Variants in MARF1 observed in about 807,000 individuals in gnomAD.
MARF1 encodes the protein limkain-b1.
In MARF1, 24 loss-of-function variants were observed where a neutral mutation model predicts 168.2. The ratio of observed to expected loss-of-function variants is 0.14; its 90% CI spans 0.10 to 0.20. The LOEUF is 0.20. Ranked by LOEUF, MARF1 falls within the 10% of genes least tolerant of loss-of-function variation. The pLI, the probability that MARF1 is intolerant of heterozygous loss-of-function variation, is 1.00. For missense variants in MARF1, 1,744 were observed against 2,143.6 expected (o/e 0.81, Z 3.68); for synonymous variants, 868 against 822.4 (o/e 1.06, Z -0.95).
At chr16:15,633,107 G>C (rs1043556906) in intron 5 of MARF1, among the ~76,000 whole-genome samples, 7 of 148,180 alleles carry the variant, frequency 4.7e-5, no homozygotes, top group African/African-American at 1.7e-4. Flanking sequence ...TATTTTATTT[G>C]AAAACTTGGC....
chr16:15,609,674 A>G lies in MARF1; in HGVS notation c.3803T>C (p.Val1268Ala), dbSNP rs1330350952. ...ERTKQFSKDV[V>A]DLLRHQPHFR... ...ATGGGGTTGGTGACGCAGCAAATCA[A>G]CGACATCCTTGGAGAACTGTTTTGT... is the stretch of plus-strand genomic sequence containing the variant. Residue 1268 changes from valine to alanine, a missense_variant, in exon 20 of 27, where the codon GTT becomes GCT. Coordinates refer to ENST00000396368, the MANE Select transcript of MARF1 (RefSeq NM_014647.4). 4 of 1,614,196 alleles carry G rather than the reference A, an allele frequency of 2.5e-6. No individual in the cohort carries two copies. Among genetic ancestry groups the G allele is most frequent in the Non-Finnish European group, 2.5e-6 (3 of 1,180,042 alleles).
chr16:15,618,619 C>A (rs923956300), intron 13 of MARF1, among the ~76,000 whole-genome samples: 4 of 152,192 alleles, frequency 2.6e-5, no homozygotes, highest in African/African-American at 4.8e-5. Flanking sequence ...TCGCCCACAT[C>A]CCTGGCCCTG....
At position 15,621,779 on chromosome 16, in the gene MARF1, C is replaced by G. The variant is rs35438466; in HGVS notation, c.2593G>C (p.Val865Leu). Residue 865 changes from valine to leucine, a missense_variant, in exon 12 of 27, where the codon GTC becomes CTC. Transcript: ENST00000396368. ...CTGGCAGCCCCGGTGGCAAGTGAGA[C>G]CAGGATCTTTTTGCTGCCAATTTTG... ...RYKIGSKKIL[V>L]SLATGAASKS... 8,177 of 1,614,142 alleles carry G rather than the reference C, an allele frequency of 5.1e-3. 72 individuals are homozygous for G. The highest frequency in any genetic ancestry group is 0.023 in the South Asian group (2,073 of 91,082).
chr16:15,630,522 G>T lies in MARF1; in HGVS notation c.1352-18C>A, dbSNP rs779960479. The stretch of plus-strand genomic sequence containing the variant: ...GACATCAGCTGAAAGAAAAGGTACA[G>T]ACCAACCCCATCCCCAAACATTAGA... On this transcript the variant is annotated intron_variant, in intron 6 of 26. Transcript: ENST00000396368. 4 of 1,597,872 alleles carry T rather than the reference G, an allele frequency of 2.5e-6. No homozygotes were observed. The highest frequency in any genetic ancestry group is 1.7e-5 in the Admixed American group (1 of 58,184).
chr16:15,595,151 G>C lies in MARF1; in HGVS notation c.*1542C>G, dbSNP rs948055834. On this transcript the variant is annotated 3_prime_UTR_variant, in exon 27 of 27. Transcript: ENST00000396368. ...AAATGCCTTCAGGAGGATTCGGAGA[G>C]TGCCATAATACTTACAGGGTTTTTT... The C allele has an allele frequency of 1.3e-5, 2 of 152,628 alleles. No individual in the cohort carries two copies. The highest frequency in any genetic ancestry group is 4.8e-5 in the African/African-American group (2 of 41,436). 9.5% of individuals were successfully genotyped at this position (152,628 alleles called of 1,614,324 possible).
chr16:15,625,436 G>A lies in MARF1; in HGVS notation c.1889C>T (p.Pro630Leu), dbSNP rs1369014288. The A allele has an allele frequency of 6.8e-6, 11 of 1,613,828 alleles. No individual in the cohort carries two copies. The highest frequency in any genetic ancestry group is 1.3e-5 in the African/African-American group (1 of 75,016). The stretch of plus-strand genomic sequence containing the variant: ...AGAATTTGCCTGTGACCCTTTTCCA[G>A]GCGTGGCTTTGGCACTGGAAGATTG... ...SEQSSSAKAT[P>L]GKGSQANSGS... Residue 630 changes from proline to leucine, a missense_variant, in exon 8 of 27, where the codon CCT becomes CTT. Pro to Leu is a moderately conservative substitution (Grantham distance 98, BLOSUM62 -3). This residue lies in a region of MARF1 where 270 missense variants were observed against 260.6 expected (regional missense o/e 1.04). Coordinates refer to ENST00000396368, the MANE Select transcript of MARF1 (RefSeq NM_014647.4).
intron 15 of MARF1, 36 bp downstream of exon 15, chr16:15,617,016 G>A (rs887093750): frequency 1.9e-6 from 3 of 1,595,242 alleles, no homozygotes; most frequent in Non-Finnish European, 1.7e-6. Flanking sequence ...AGCAGAACTA[G>A]GGCATTATAT....
chr16:15,627,049 A>AAACGAACG (rs913428122), intron 7 of MARF1, among the ~76,000 whole-genome samples: 1 of 152,116 alleles, frequency 6.6e-6, no homozygotes, highest in African/African-American at 2.4e-5. Flanking sequence ...AAGAACGAAC[A>AAACGAACG]AACGAACGAA....
At chr16:15,627,380 G>A (rs907673691) in intron 7 of MARF1, among the ~76,000 whole-genome samples, 5 of 152,120 alleles carry the variant, frequency 3.3e-5, no homozygotes, top group Admixed American at 6.5e-5. Flanking sequence ...AGCACTTTGC[G>A]AGGCCAAAGC....
At chr16:15,605,419 G>GAGCCAAT (rs1032520266) in intron 21 of MARF1, among the ~76,000 whole-genome samples, 1 of 152,150 alleles carries the variant, frequency 6.6e-6, no homozygotes, top group African/African-American at 2.4e-5. Context: ...CCAGAGCCAA[G>GAGCCAAT]GCAGGAGGGA....
chr16:15,632,630 G>A (rs531425369), intron 5 of MARF1, among the ~76,000 whole-genome samples: 10 of 152,200 alleles, frequency 6.6e-5, no homozygotes, highest in Admixed American at 3.3e-4. Context: ...TATCAGGCTC[G>A]CATATAAGTC....
chr16:15,642,692 C>T (rs2036101304), intron 1 of MARF1, among the ~76,000 whole-genome samples: 1 of 152,188 alleles, frequency 6.6e-6, no homozygotes, highest in African/African-American at 2.4e-5. Flanking sequence ...ACACCCGCCC[C>T]TTTCCTTCTC....
At chr16:15,629,927 T>C (rs2035139341) in intron 7 of MARF1, among the ~76,000 whole-genome samples, 1 of 152,166 alleles carries the variant, frequency 6.6e-6, no homozygotes, top group African/African-American at 2.4e-5. Context: ...AAATGCACAA[T>C]TGACTCCACT....
At chr16:15,632,079 G>C (rs1340910392) in intron 5 of MARF1, among the ~76,000 whole-genome samples, 1 of 152,152 alleles carries the variant, frequency 6.6e-6, no homozygotes, top group African/African-American at 2.4e-5. Flanking sequence ...AATTACAACA[G>C]ATCTCAGTAA....
At position 15,596,143 on chromosome 16, in the gene MARF1, C is replaced by A. The variant is rs1318153722; in HGVS notation, c.*550G>T. The A allele has an allele frequency of 6.5e-6, 1 of 152,708 alleles. No individual in the cohort carries two copies. Among genetic ancestry groups the A allele is most frequent in the African/African-American group, 2.4e-5 (1 of 41,472 alleles). The allele number at this position is 152,708 out of a possible 1,614,324, so 9.5% of individuals were successfully genotyped here. ...AAGTCACATGGAAGCCAGGAACCTT[C>A]ACATTCCAACCTGAAAATACACTCC... On this transcript the variant is annotated 3_prime_UTR_variant, in exon 27 of 27. Coordinates refer to ENST00000396368, the MANE Select transcript of MARF1 (RefSeq NM_014647.4).
chr16:15,637,792 A>C (rs2035692574), intron 2 of MARF1, among the ~76,000 whole-genome samples: 1 of 152,230 alleles, frequency 6.6e-6, no homozygotes, highest in Admixed American at 6.5e-5. Flanking sequence ...AAAATGACCC[A>C]AATTACTTGA....
chr16:15,609,315 T>C (rs534567256), intron 20 of MARF1, among the ~76,000 whole-genome samples: 2 of 152,226 alleles, frequency 1.3e-5, no homozygotes, highest in East Asian at 1.9e-4. Flanking sequence ...CAAAACAAGT[T>C]TGAATAATCC....
At chr16:15,623,431 C>G (rs2034613405) in intron 10 of MARF1, among the ~76,000 whole-genome samples, 1 of 151,870 alleles carries the variant, frequency 6.6e-6, no homozygotes, top group Non-Finnish European at 1.5e-5. Flanking sequence ...AGGCATGCAC[C>G]ACTACACCCA....
At chr16:15,617,223 TG>T in intron 14 of MARF1, 52 bp from the exon 15 acceptor site, 1 of 1,611,252 alleles carries the variant, frequency 6.2e-7, no homozygotes, top group South Asian at 1.1e-5. Flanking sequence ...GGGTCTAAGA[TG>T]TTCACAAGGT....
Sources: allele counts gnomAD v4.1 joint callset (sites outside exome capture counted in the v4.1 genomes callset), GRCh38; gene constraint gnomAD v4.1.1; regional missense constraint gnomAD v4.1.1; transcripts MANE v1.5; gene names NCBI Gene and HGNC (gene_info 2026-07-23, HGNC 2026-07-21).